Variants in UGGT1 observed in about 807,000 individuals in gnomAD.
UGGT1 encodes UDP-glucose glycoprotein glucosyltransferase 1.
Under a neutral mutation model 203.9 loss-of-function variants are expected in UGGT1, and 107 were observed. That is an observed-to-expected ratio of 0.52 (90% CI 0.45 to 0.62). The LOEUF is 0.62. Ranked by LOEUF, UGGT1 falls within the 20% of genes least tolerant of loss-of-function variation. UGGT1 has a pLI of 0.00. For missense variants in UGGT1, 1,673 were observed against 1,867.2 expected (o/e 0.90, Z 1.92); for synonymous variants, 628 against 653.5 (o/e 0.96, Z 0.59).
At chr2:128,127,259 C>G (rs1021773331) in intron 11 of UGGT1, 102 bp from the exon 12 acceptor site, 2 of 768,848 alleles carry the variant, frequency 2.6e-6, no homozygotes, top group African/African-American at 1.8e-5. Flanking sequence ...TTAGCCCTGC[C>G]TTAGGATGCC....
chr2:128,169,048 TAAAAAAAAAAAAAAAAAAAAAAAAAAAA>T (rs544381740), intron 26 of UGGT1, among the ~76,000 whole-genome samples: 47 of 52,564 alleles, frequency 8.9e-4, no homozygotes, highest in Non-Finnish European at 4.2e-4. Flanking sequence ...ACTCTGTCTT[TAAAAAAAAAAAAAAAAAAAAAAAAAAAA>T]AAAAAAAAAA....
At chr2:128,171,154 A>G (rs1691078439) in intron 27 of UGGT1, 51 bp from the exon 28 acceptor site, 1 of 1,537,808 alleles carries the variant, frequency 6.5e-7, no homozygotes, top group African/African-American at 1.4e-5. Context: ...CAAATAATAA[A>G]TTTCTGAAGA....
chr2:128,094,790 C>G (rs1398871419), intron 1 of UGGT1, among the ~76,000 whole-genome samples: 1 of 133,346 alleles, frequency 7.5e-6, no homozygotes, highest in East Asian at 2.3e-4. Context: ...TCTCTGTCGC[C>G]CAGGCTGGAG....
intron 17 of UGGT1, among the ~76,000 whole-genome samples, chr2:128,145,077 T>G (rs1418202575): frequency 1.3e-5 from 2 of 152,178 alleles, no homozygotes; most frequent in African/African-American, 4.8e-5. Flanking sequence ...GGGAAAAGAT[T>G]GGATGTATTG....
At chr2:128,121,637 C>T (rs1348428537) in intron 10 of UGGT1, among the ~76,000 whole-genome samples, 1 of 152,006 alleles carries the variant, frequency 6.6e-6, no homozygotes, top group Non-Finnish European at 1.5e-5. Flanking sequence ...GAATGCCTGA[C>T]CTCAAGTGAT....
At chr2:128,092,996 A>G (rs1353079269) in intron 1 of UGGT1, among the ~76,000 whole-genome samples, 4 of 152,212 alleles carry the variant, frequency 2.6e-5, no homozygotes, top group African/African-American at 9.6e-5. Flanking sequence ...ATGATAAGGG[A>G]TCCTATAAAA....
chr2:128,093,599 A>G (rs899357374), intron 1 of UGGT1, among the ~76,000 whole-genome samples: 1 of 152,202 alleles, frequency 6.6e-6, no homozygotes, highest in Admixed American at 6.5e-5. Flanking sequence ...AACTGTGGCC[A>G]CTGAAAATCC....
At chr2:128,105,064 AC>A (rs1687541655) in intron 3 of UGGT1, among the ~76,000 whole-genome samples, 1 of 150,506 alleles carries the variant, frequency 6.6e-6, no homozygotes, top group Non-Finnish European at 1.5e-5. Flanking sequence ...TTTTAATACA[AC>A]GGAGATGAGG....
intron 14 of UGGT1, among the ~76,000 whole-genome samples, chr2:128,134,332 G>A (rs62157737): frequency 0.072 from 10,898 of 152,204 alleles, 552 homozygotes; most frequent in Admixed American, 0.1. Flanking sequence ...CACCATGCCT[G>A]GCCACTTTTC....
chr2:128,164,357 T>C (rs1690676402), intron 25 of UGGT1, among the ~76,000 whole-genome samples: 1 of 152,210 alleles, frequency 6.6e-6, no homozygotes, highest in Non-Finnish European at 1.5e-5. Context: ...ATTTTTGGCT[T>C]TTATGTTTAT....
chr2:128,113,756 G>A (rs534882139), intron 6 of UGGT1, among the ~76,000 whole-genome samples: 127 of 3,332 alleles, frequency 0.038, 54 homozygotes, highest in African/African-American at 0.042. Context: ...CGAGGCGGGC[G>A]GATCACGAGG....
chr2:128,172,126 T>C (rs6733897), intron 28 of UGGT1, among the ~76,000 whole-genome samples: 88,030 of 151,946 alleles, frequency 0.58, 25,843 homozygotes, highest in South Asian at 0.65. Context: ...GCCCAATCAG[T>C]ATTTAGGAAT....
intron 2 of UGGT1, among the ~76,000 whole-genome samples, chr2:128,101,133 G>A (rs1687357972): frequency 6.6e-6 from 1 of 152,110 alleles, no homozygotes; most frequent in Admixed American, 6.6e-5. Flanking sequence ...CGACATGTAG[G>A]CAACTCATAG....
intron 18 of UGGT1, among the ~76,000 whole-genome samples, chr2:128,148,890 G>A (rs1054485996): frequency 6.6e-6 from 1 of 152,190 alleles, no homozygotes; most frequent in Non-Finnish European, 1.5e-5. Flanking sequence ...TTGGCACTGA[G>A]TGAGGTCTGG....
chr2:128,183,995 A>C (rs561136644), intron 38 of UGGT1, among the ~76,000 whole-genome samples: 1 of 151,938 alleles, frequency 6.6e-6, no homozygotes, highest in Middle Eastern at 3.2e-3. Flanking sequence ...TCAGCGTGAA[A>C]AATGTCATAG....
chr2:128,147,988 G>T (rs2105472331), intron 18 of UGGT1, among the ~76,000 whole-genome samples: 1 of 152,264 alleles, frequency 6.6e-6, no homozygotes, highest in East Asian at 1.9e-4. Flanking sequence ...CACCGTACCA[G>T]GGTTTATGTT....
rs1416359283 is a variant in UGGT1 at position 128,190,004 on chromosome 2, A to G, written c.*262A>G. ...CTGTAAAGAGCATTCTTCTAGTCAGAGGGTGGAATGGCAGCAGCAACTGGA... is the reference window on the plus strand; with the variant it reads ...CTGTAAAGAGCATTCTTCTAGTCAGGGGGTGGAATGGCAGCAGCAACTGGA... On this transcript the variant is annotated 3_prime_UTR_variant, in exon 41 of 41. Transcript: ENST00000259253. 2 of 380,998 alleles carry G rather than the reference A, an allele frequency of 5.2e-6. No homozygotes were observed. Among genetic ancestry groups the G allele is most frequent in the Non-Finnish European group, 4.7e-6 (1 of 210,560 alleles). 23.6% of individuals were successfully genotyped at this position (380,998 alleles called of 1,614,324 possible). A position where few individuals can be genotyped will look rare whatever the true frequency, so the allele number is the denominator to read the frequency against.
rs562571851 is a variant in UGGT1 at position 128,135,963 on chromosome 2, T to G, written c.1583+1002T>G. Among the ~76,000 whole-genome samples, 3 of 152,320 alleles carry G rather than the reference T, an allele frequency of 2.0e-5. No individual in the cohort carries two copies. The East Asian group carries it at 5.8e-4, about 29-fold the overall frequency. On this transcript the variant is annotated intron_variant, in intron 15 of 40. Transcript: ENST00000259253. ...GATCACAACCAGAGCTATGTTTTGATCAAAAGAGAAATATAAGGACACAGA... is the reference window on the plus strand; with the variant it reads ...GATCACAACCAGAGCTATGTTTTGAGCAAAAGAGAAATATAAGGACACAGA...
At chr2:128,171,090 G>C (rs1691074133) in intron 27 of UGGT1, 115 bp from the exon 28 acceptor site, 3 of 946,424 alleles carry the variant, frequency 3.2e-6, no homozygotes, top group Non-Finnish European at 4.7e-6. Context: ...CGCCAGTGCA[G>C]ACTCTGTGGC....
Sources: gnomAD v4.1 joint callset for allele counts (sites outside exome capture counted in the v4.1 genomes callset) on GRCh38, gnomAD v4.1.1 for gene constraint, MANE v1.5 for transcripts, NCBI Gene and HGNC (gene_info 2026-07-23, HGNC 2026-07-21) for gene names.